Variants in RALYL observed in about 807,000 individuals in gnomAD.
The protein encoded by RALYL is RNA-binding Raly-like protein.
A neutral mutation model predicts 35.1 loss-of-function variants in RALYL; 29 were observed. The ratio of observed to expected loss-of-function variants is 0.83; its 90% CI spans 0.61 to 1.13. The LOEUF is 1.13. RALYL is among the 50% of genes most tolerant of loss of function. The probability of loss-of-function intolerance (pLI) is 0.00; values close to 1 mark genes in which losing one functional copy is unlikely to be tolerated. For synonymous variants in RALYL, 120 were observed against 127.6 expected (o/e 0.94, Z 0.40); for missense variants, 359 against 360.4 (o/e 1.00, Z 0.03).
In RALYL at chr8:84,758,612, T is replaced by C. The variant is rs527569249; in HGVS notation, c.257-15967T>C. ...GGCCCTGGTTCTTCACCACGTGGCC[T>C]TCCCACAGGGTGCCTGATGACATGA... is the stretch of plus-strand genomic sequence containing the variant. On this transcript the variant is annotated intron_variant, in intron 2 of 8. Transcript: ENST00000521268. 2.6e-5 allele frequency among the ~76,000 whole-genome samples: 4 copies of C among 151,168 alleles called. No homozygotes were observed. In the South Asian group the frequency reaches 6.3e-4, roughly 24 times the overall value.
intron 1 of RALYL, among the ~76,000 whole-genome samples, chr8:84,292,126 CAA>C (rs890406832): frequency 2.0e-5 from 3 of 151,472 alleles, no homozygotes; most frequent in Admixed American, 2.0e-4. Context: ...TGTGGAGAAA[CAA>C]ATAAGAAGAA....
At chr8:84,312,524 G>A (rs1159049751) in intron 1 of RALYL, among the ~76,000 whole-genome samples, 4 of 152,214 alleles carry the variant, frequency 2.6e-5, no homozygotes, top group Admixed American at 6.5e-5. Flanking sequence ...TAGATACAGT[G>A]GGGGTACAGG....
rs563230998 is a variant in RALYL, at chr8:84,338,605, A to T, written c.-24+154181A>T. Among the ~76,000 whole-genome samples the T allele has an allele frequency of 2.0e-5, 3 of 152,196 alleles. No homozygotes were observed. In the South Asian group the frequency reaches 6.2e-4, roughly 32 times the overall value. Reference sequence around the variant, plus strand: ...GCTACATATTTTGAGTGGAAGTGTAACTTAGTGCTCAACTAGCACAGCTGA... The same window carrying T: ...GCTACATATTTTGAGTGGAAGTGTATCTTAGTGCTCAACTAGCACAGCTGA... On this transcript the variant is annotated intron_variant, in intron 1 of 8. Transcript: ENST00000521268.
chr8:84,501,917 A>T (rs2056709165), intron 1 of RALYL, among the ~76,000 whole-genome samples: 1 of 151,402 alleles, frequency 6.6e-6, no homozygotes, highest in Non-Finnish European at 1.5e-5. Context: ...AAATCATAGA[A>T]TTTTACTCAA....
intron 1 of RALYL, among the ~76,000 whole-genome samples, chr8:84,319,856 A>T (rs1286217490): frequency 1.6e-5 from 2 of 126,822 alleles, no homozygotes; most frequent in African/African-American, 2.6e-5. Flanking sequence ...TGTAGTCATA[A>T]TTTTTTTTCA....
chr8:84,416,801 T>C (rs73304392), intron 1 of RALYL, among the ~76,000 whole-genome samples: 4,469 of 152,264 alleles, frequency 0.029, 220 homozygotes, highest in African/African-American at 0.1. Context: ...GTAAATCTTA[T>C]GGTTAGCCTA....
At chr8:84,628,268 T>C (rs1823181323) in intron 2 of RALYL, among the ~76,000 whole-genome samples, 1 of 152,072 alleles carries the variant, frequency 6.6e-6, no homozygotes, top group African/African-American at 2.4e-5. Context: ...ATCTTAATTT[T>C]AATTAGTTCT....
At chr8:84,629,385 T>G (rs1823449074) in intron 2 of RALYL, among the ~76,000 whole-genome samples, 2 of 152,086 alleles carry the variant, frequency 1.3e-5, no homozygotes, top group Admixed American at 1.3e-4. Flanking sequence ...AATGCATATA[T>G]TCTGAGACTT....
At chr8:84,444,542 C>G (rs191108823) in intron 1 of RALYL, among the ~76,000 whole-genome samples, 3 of 151,930 alleles carry the variant, frequency 2.0e-5, no homozygotes, top group African/African-American at 7.2e-5. Context: ...TAGGTATGCA[C>G]GCTAGATACA....
intron 1 of RALYL, among the ~76,000 whole-genome samples, chr8:84,449,993 G>A (rs1450585631): frequency 6.6e-6 from 1 of 151,556 alleles, no homozygotes; most frequent in Non-Finnish European, 1.5e-5. Context: ...ATGTCTGAAC[G>A]CATAGAAGGC....
At chr8:84,443,600 C>T (rs773310810) in intron 1 of RALYL, among the ~76,000 whole-genome samples, 8 of 152,096 alleles carry the variant, frequency 5.3e-5, no homozygotes, top group Non-Finnish European at 1.0e-4. Context: ...TGGTATAGAG[C>T]GTGCTCTCAC....
At chr8:84,831,184 G>A (rs1830845520) in intron 4 of RALYL, among the ~76,000 whole-genome samples, 1 of 151,998 alleles carries the variant, frequency 6.6e-6, no homozygotes, top group Non-Finnish European at 1.5e-5. Flanking sequence ...ATAATTCATT[G>A]ATTTTTCTAA....
At chr8:84,457,705 G>A (rs2050297871) in intron 1 of RALYL, among the ~76,000 whole-genome samples, 1 of 151,724 alleles carries the variant, frequency 6.6e-6, no homozygotes, top group Non-Finnish European at 1.5e-5. Context: ...ATTCTTTGAA[G>A]CCTATTTCAT....
At position 84,704,480 on chromosome 8, in the gene RALYL, CACA is replaced by C. The variant is rs1554787622; in HGVS notation, c.257-70093_257-70091del. 1.3e-3 allele frequency among the ~76,000 whole-genome samples: 180 copies of C among 139,580 alleles called. 1 individual carries two copies. The East Asian group carries it at 0.026, about 20-fold the overall frequency. 91.6% of individuals were successfully genotyped at this position (139,580 alleles called of 152,430 possible). Reference sequence around the variant, plus strand: ...ACACACACACACACACACACACACACACAACAACTCATTTATTCCACAAATGTT... The same window carrying C: ...ACACACACACACACACACACACACACACAACTCATTTATTCCACAAATGTT... On this transcript the variant is annotated intron_variant, in intron 2 of 8. Coordinates refer to ENST00000521268, the MANE Select transcript of RALYL (RefSeq NM_173848.7).
intron 1 of RALYL, among the ~76,000 whole-genome samples, chr8:84,280,450 G>A (rs1465939011): frequency 6.6e-6 from 1 of 151,990 alleles, no homozygotes; most frequent in African/African-American, 2.4e-5. Flanking sequence ...TAAACAGTAT[G>A]TTACCAATTT....
At chr8:84,376,052 T>A (rs887278804) in intron 1 of RALYL, among the ~76,000 whole-genome samples, 4 of 151,862 alleles carry the variant, frequency 2.6e-5, no homozygotes, top group African/African-American at 9.7e-5. Context: ...ACAAGAAAAA[T>A]GTACCATACA....
intron 1 of RALYL, among the ~76,000 whole-genome samples, chr8:84,461,494 A>G (rs1251357808): frequency 1.3e-5 from 2 of 151,724 alleles, no homozygotes; most frequent in South Asian, 2.1e-4. Flanking sequence ...CTTCCATTAA[A>G]CATTCAGATA....
rs561373261 is a variant in RALYL, at chr8:84,474,531, C to T, written c.-23-54768C>T. Among the ~76,000 whole-genome samples the T allele has an allele frequency of 1.4e-4, 21 of 152,202 alleles. 2 individuals carry two copies. The South Asian group carries it at 3.9e-3, about 29-fold the overall frequency. On this transcript the variant is annotated intron_variant, in intron 1 of 8. Coordinates refer to ENST00000521268, the MANE Select transcript of RALYL (RefSeq NM_173848.7). The stretch of plus-strand genomic sequence containing the variant: ...TAGTACTAGAGTATATTTCCTAGCC[C>T]TTTAGAGCATTGTATATGTGGAATA...
At chr8:84,489,815 C>T (rs2055062152) in intron 1 of RALYL, among the ~76,000 whole-genome samples, 1 of 151,778 alleles carries the variant, frequency 6.6e-6, no homozygotes. Flanking sequence ...ACAGAAAGAC[C>T]CAAAGTGCAT....
Sources: allele counts gnomAD v4.1 joint callset (sites outside exome capture counted in the v4.1 genomes callset), GRCh38; gene constraint gnomAD v4.1.1; transcripts MANE v1.5; gene names NCBI Gene and HGNC (gene_info 2026-07-23, HGNC 2026-07-21).